DOK6: variants seen among roughly 807,000 people sequenced by gnomAD.
The protein encoded by DOK6 is downstream of tyrosine kinase 6.
DOK6 carries 22 observed loss-of-function variants against 44.0 expected under a neutral mutation model. The ratio of observed to expected loss-of-function variants is 0.50; its 90% confidence interval spans 0.36 to 0.71. DOK6 has a LOEUF of 0.71. Ranked by LOEUF, DOK6 falls within the 30% of genes least tolerant of loss-of-function variation. The pLI is 0.00. For synonymous variants in DOK6, 166 were observed against 145.5 expected, an observed-to-expected ratio of 1.14 and a Z score of -1.01; for missense variants, 340 against 416.4, an observed-to-expected ratio of 0.82 and a Z score of 1.60.
chr18:69,772,166 T>C (rs988390654), intron 7 of DOK6, among the ~76,000 whole-genome samples: 1 of 151,782 alleles, frequency 6.6e-6, no homozygotes, highest in African/African-American at 2.4e-5. Context: ...TGAGACTCCA[T>C]CTCTAAAAAA....
chr18:69,609,483 C>CAAAAAATAAATAAATAAATA (rs147856604), intron 3 of DOK6, among the ~76,000 whole-genome samples: 7,231 of 145,528 alleles, frequency 0.05, 271 homozygotes, highest in East Asian at 0.17. Flanking sequence ...ATGGCTATTA[C>CAAAAAATAAATAAATAAATA]AAGAAATAAA....
Position 69,782,183 on chromosome 18 carries a change from CTA to C in DOK6, c.856+24311_856+24312del, listed in dbSNP as rs556875076. 1.4e-3 allele frequency among the ~76,000 whole-genome samples: 210 copies of C among 149,994 alleles called. 1 individual carries two copies. The highest frequency in any genetic ancestry group is 4.9e-3 in the African/African-American group (202 of 40,966). Reference sequence around the variant, plus strand: ...TGACCAGAGTTTTTTAAATCCAGAACTAACTGGAAATTTTATGTGTTCTAAGA... The same window carrying C: ...TGACCAGAGTTTTTTAAATCCAGAACACTGGAAATTTTATGTGTTCTAAGA... On this transcript the variant is annotated intron_variant, in intron 7 of 7. Coordinates refer to ENST00000382713, the MANE Select transcript of DOK6 (RefSeq NM_152721.6).
intron 5 of DOK6, among the ~76,000 whole-genome samples, chr18:69,700,010 G>A (rs1303916761): frequency 6.6e-6 from 1 of 151,950 alleles, no homozygotes; most frequent in Non-Finnish European, 1.5e-5. Flanking sequence ...GAAGCCAAGT[G>A]AAAGGGGTTT....
intron 1 of DOK6, among the ~76,000 whole-genome samples, chr18:69,480,859 G>A (rs1010712531): frequency 6.6e-6 from 1 of 152,124 alleles, no homozygotes; most frequent in Non-Finnish European, 1.5e-5. Context: ...GGAGATGGGT[G>A]GATGTCCCAA....
chr18:69,803,959 ACT>A (rs1435714484), intron 7 of DOK6, among the ~76,000 whole-genome samples: 1 of 152,146 alleles, frequency 6.6e-6, no homozygotes, highest in Non-Finnish European at 1.5e-5. Context: ...ATTACCAAAA[ACT>A]CTACCTTATT....
chr18:69,489,936 A>G (rs1980686967), intron 1 of DOK6, among the ~76,000 whole-genome samples: 1 of 152,114 alleles, frequency 6.6e-6, no homozygotes, highest in South Asian at 2.1e-4. Context: ...CTAAAAAAAA[A>G]AAAAAACCCT....
chr18:69,591,041 A>G lies in DOK6; in HGVS notation c.175-8343A>G, dbSNP rs9948876. Among the ~76,000 whole-genome samples the G allele has an allele frequency of 8.6e-3, 1,317 of 152,278 alleles. 21 individuals are homozygous for G. The highest frequency in any genetic ancestry group is 0.028 in the African/African-American group (1,180 of 41,574). On this transcript the variant is annotated intron_variant, in intron 2 of 7. Transcript: ENST00000382713. Reference sequence around the variant, plus strand: ...TTGCAACAGTAATTAAAACTATAACATCCATCAAGGCCGTGGCTCCAAACA... The same window carrying G: ...TTGCAACAGTAATTAAAACTATAACGTCCATCAAGGCCGTGGCTCCAAACA...
intron 6 of DOK6, among the ~76,000 whole-genome samples, chr18:69,746,248 GATTTT>G (rs1176709796): frequency 6.6e-6 from 1 of 152,068 alleles, no homozygotes. Flanking sequence ...GTCCATACAT[GATTTT>G]ATTTATTTAA....
intron 1 of DOK6, among the ~76,000 whole-genome samples, chr18:69,533,885 A>C (rs79673014): frequency 6.6e-6 from 1 of 152,142 alleles, no homozygotes; most frequent in African/African-American, 2.4e-5. Context: ...TTCTCTAAAG[A>C]AAAGCTTTTC....
chr18:69,644,991 T>C (rs1420021096), intron 3 of DOK6, among the ~76,000 whole-genome samples: 1 of 152,222 alleles, frequency 6.6e-6, no homozygotes, highest in Non-Finnish European at 1.5e-5. Context: ...TACAGATTCA[T>C]AGGGAAATTT....
chr18:69,742,591 A>G (rs1220464789), intron 6 of DOK6, among the ~76,000 whole-genome samples: 1 of 152,156 alleles, frequency 6.6e-6, no homozygotes, highest in African/African-American at 2.4e-5. Flanking sequence ...CTGACAACAT[A>G]TTAAGGAGAG....
At chr18:69,527,227 T>A (rs34917795) in intron 1 of DOK6, among the ~76,000 whole-genome samples, 59,742 of 152,122 alleles carry the variant, frequency 0.39, 13,621 homozygotes, top group Non-Finnish European at 0.53. Flanking sequence ...TGAGTTTGTT[T>A]CATTTATTTG....
At chr18:69,808,065 T>G (rs1981107743) in intron 7 of DOK6, among the ~76,000 whole-genome samples, 1 of 151,854 alleles carries the variant, frequency 6.6e-6, no homozygotes, top group South Asian at 2.1e-4. Context: ...TCTGAACAAA[T>G]TTAAGAGGAC....
chr18:69,520,558 C>T (rs1316193627), intron 1 of DOK6, among the ~76,000 whole-genome samples: 1 of 151,698 alleles, frequency 6.6e-6, no homozygotes, highest in Non-Finnish European at 1.5e-5. Flanking sequence ...CAACATGATG[C>T]CTAAAGTTGA....
chr18:69,784,290 CATA>C (rs1223921951), intron 7 of DOK6, among the ~76,000 whole-genome samples: 1 of 151,976 alleles, frequency 6.6e-6, no homozygotes, highest in Non-Finnish European at 1.5e-5. Flanking sequence ...TGTATGTGGG[CATA>C]ATAATATTTG....
In DOK6 at chr18:69,846,869, G is replaced by A. The variant is rs1982355766; in HGVS notation, c.*5486G>A. On this transcript the variant is annotated 3_prime_UTR_variant, in exon 8 of 8. Coordinates refer to ENST00000382713, the MANE Select transcript of DOK6 (RefSeq NM_152721.6). ...CATTATCAACAAGAATTGGGGAAAT[G>A]ACTTTTTTACATTATAATACCTTAT... 1.3e-5 allele frequency: 2 copies of A among 152,068 alleles called. No homozygotes were observed. Among genetic ancestry groups the A allele is most frequent in the South Asian group, 4.1e-4 (2 of 4,822 alleles). The allele number at this position is 152,068 out of a possible 1,614,324, so 9.4% of individuals were successfully genotyped here. A position where few individuals can be genotyped will look rare whatever the true frequency, so the allele number is the denominator to read the frequency against.
chr18:69,518,917 A>T (rs1981610899), intron 1 of DOK6, among the ~76,000 whole-genome samples: 1 of 152,064 alleles, frequency 6.6e-6, no homozygotes, highest in Non-Finnish European at 1.5e-5. Flanking sequence ...GGTGGTTTTA[A>T]AAATTGTCAG....
chr18:69,597,408 C>T (rs1362085102), intron 2 of DOK6, among the ~76,000 whole-genome samples: 2 of 152,164 alleles, frequency 1.3e-5, no homozygotes, highest in African/African-American at 2.4e-5. Flanking sequence ...TATATTACCT[C>T]GTTTTATTGT....
intron 7 of DOK6, chr18:69,781,164 GTTTTT>G (rs1392809852): frequency 6.6e-6 from 1 of 152,096 alleles, no homozygotes; most frequent in African/African-American, 2.4e-5. Flanking sequence ...TCAGAAGACA[GTTTTT>G]TCTAGACTTC....
Sources: allele counts gnomAD v4.1 joint callset (sites outside exome capture counted in the v4.1 genomes callset), GRCh38; gene constraint gnomAD v4.1.1; transcripts MANE v1.5; gene names NCBI Gene and HGNC (gene_info 2026-07-23, HGNC 2026-07-21).